Variants in CCDC141 observed in about 807,000 individuals in gnomAD.
CCDC141 encodes the protein coiled-coil domain-containing protein 141.
In CCDC141, 168 loss-of-function variants were observed where a neutral mutation model predicts 181.0. That is an observed-to-expected ratio of 0.93 (90% CI 0.82 to 1.05). The LOEUF (loss-of-function observed/expected upper bound fraction) is 1.05. CCDC141 is among the 50% of genes least tolerant of loss of function. The pLI is 0.00. For synonymous variants in CCDC141, 666 were observed against 642.3 expected, an observed-to-expected ratio of 1.04 and a Z score of -0.56; for missense variants, 1,902 against 1,788.5, an observed-to-expected ratio of 1.06 and a Z score of -1.14.
At chr2:178,947,557 C>G (rs1689783304) in intron 5 of CCDC141, among the ~76,000 whole-genome samples, 1 of 151,954 alleles carries the variant, frequency 6.6e-6, no homozygotes, top group Non-Finnish European at 1.5e-5. Context: ...TACTTGATGC[C>G]CAGAGGAGAT....
intron 2 of CCDC141, among the ~76,000 whole-genome samples, chr2:179,018,003 T>C (rs146092376): frequency 6.6e-6 from 1 of 152,292 alleles, no homozygotes; most frequent in African/African-American, 2.4e-5. Flanking sequence ...GCCAACATCA[T>C]AAAGCTGGTT....
intron 17 of CCDC141, 50 bp from the exon 18 acceptor site, chr2:178,856,447 A>G: frequency 7.3e-7 from 1 of 1,364,738 alleles, no homozygotes; most frequent in Non-Finnish European, 1.0e-6. Context: ...TGAGAAAACA[A>G]AGTCACTTGC....
chr2:178,897,414 A>T (rs1356232472), intron 8 of CCDC141, among the ~76,000 whole-genome samples: 1 of 152,248 alleles, frequency 6.6e-6, no homozygotes, highest in Non-Finnish European at 1.5e-5. Flanking sequence ...GCCAACACAA[A>T]TGAAAACTGT....
At chr2:178,987,738 T>A (rs1335954751) in intron 2 of CCDC141, among the ~76,000 whole-genome samples, 1 of 150,488 alleles carries the variant, frequency 6.6e-6, no homozygotes, top group African/African-American at 2.5e-5. Context: ...TCACTGGCCA[T>A]CAGAGAAATG....
intron 6 of CCDC141, among the ~76,000 whole-genome samples, chr2:178,927,423 G>A (rs550868817): frequency 5.3e-5 from 8 of 152,152 alleles, no homozygotes; most frequent in African/African-American, 1.7e-4. Context: ...TCTTAAATAC[G>A]TGCAGGGATT....
At chr2:178,953,513 A>G (rs1471614127) in intron 5 of CCDC141, among the ~76,000 whole-genome samples, 1 of 152,104 alleles carries the variant, frequency 6.6e-6, no homozygotes, top group African/African-American at 2.4e-5. Context: ...ATCCAGGAAT[A>G]CTACCCCTTG....
chr2:178,867,299 C>G lies in CCDC141; in HGVS notation c.2574+727G>C, dbSNP rs145256301. ...ATCTGCAATGCTAAAACAGCACTGG[C>G]CAACAAAATGTGAACCACACAAACA... On this transcript the variant is annotated intron_variant, in intron 16 of 23. Coordinates refer to ENST00000443758, the MANE Select transcript of CCDC141 (RefSeq NM_173648.4). Among the ~76,000 whole-genome samples, 13 of 152,196 alleles carry G rather than the reference C, an allele frequency of 8.5e-5. No homozygotes were observed. The East Asian group carries it at 2.3e-3, about 27-fold the overall frequency.
chr2:178,932,123 A>T (rs1368124243), intron 6 of CCDC141, among the ~76,000 whole-genome samples: 1 of 152,202 alleles, frequency 6.6e-6, no homozygotes, highest in Non-Finnish European at 1.5e-5. Flanking sequence ...GTGCCACTGC[A>T]CTCCAGCCTA....
the CCDC141 span, among the ~76,000 whole-genome samples, chr2:178,820,137 T>G: frequency 1.8e-4 from 28 of 152,334 alleles, 2 homozygotes; most frequent in African/African-American, 6.7e-4. Context: ...AAGATGTAGT[T>G]ACTTCTGTTT....
At chr2:178,945,853 G>GTGCACA (rs1689709304) in intron 5 of CCDC141, among the ~76,000 whole-genome samples, 4 of 149,472 alleles carry the variant, frequency 2.7e-5, no homozygotes, top group African/African-American at 9.8e-5. Flanking sequence ...ACACATGCGT[G>GTGCACA]CACACACACA....
intron 7 of CCDC141, among the ~76,000 whole-genome samples, chr2:178,908,049 T>G (rs1688054949): frequency 6.6e-6 from 1 of 151,968 alleles, no homozygotes; most frequent in African/African-American, 2.4e-5. Context: ...AAGAAGATGA[T>G]TTAATGACTT....
intron 6 of CCDC141, among the ~76,000 whole-genome samples, chr2:178,936,504 T>C (rs958751670): frequency 3.3e-5 from 5 of 152,150 alleles, no homozygotes; most frequent in Non-Finnish European, 7.4e-5. Context: ...TGTAGCCCTG[T>C]AGTATAGTTT....
At position 178,957,140 on chromosome 2, in the gene CCDC141, T is replaced by C. The variant is rs1575265725; in HGVS notation, c.780+4090A>G. Among the ~76,000 whole-genome samples the C allele has an allele frequency of 3.3e-5, 5 of 152,324 alleles. 1 individual carries two copies. The highest frequency in any genetic ancestry group is 3.3e-4 in the Admixed American group (5 of 15,302). On this transcript the variant is annotated intron_variant, in intron 5 of 23. Coordinates refer to ENST00000443758, the MANE Select transcript of CCDC141 (RefSeq NM_173648.4). ...CACCTGCCTCGGCCTCCCAAAGTGCTGGGATTACAGTCGTGAGCCACCGGG... is the reference window on the plus strand; with the variant it reads ...CACCTGCCTCGGCCTCCCAAAGTGCCGGGATTACAGTCGTGAGCCACCGGG...
intron 17 of CCDC141, among the ~76,000 whole-genome samples, chr2:178,865,221 A>G (rs1056451150): frequency 1.3e-5 from 2 of 152,220 alleles, no homozygotes; most frequent in African/African-American, 4.8e-5. Context: ...AAAGCCAGTC[A>G]GTTTGAATAA....
At chr2:178,826,898 C>T (rs1370047676), downstream of CCDC141, among the ~76,000 whole-genome samples, 1 of 151,888 alleles carries the variant, frequency 6.6e-6, no homozygotes, top group Non-Finnish European at 1.5e-5. Flanking sequence ...TTTTATTCTG[C>T]TTGCTATAGG....
chr2:178,864,182 G>A (rs1195660277), intron 17 of CCDC141, among the ~76,000 whole-genome samples: 1 of 151,942 alleles, frequency 6.6e-6, no homozygotes, highest in Admixed American at 6.6e-5. Flanking sequence ...GCAAGACAAA[G>A]GTTTACAAAT....
Position 178,837,549 on chromosome 2 carries a change from C to T in CCDC141, c.3670G>A (p.Glu1224Lys), listed in dbSNP as rs1436880675. 1.2e-6 allele frequency: 2 copies of T among 1,613,746 alleles called. No individual in the cohort carries two copies. The highest frequency in any genetic ancestry group is 2.7e-5 in the African/African-American group (2 of 74,902). The part of the protein sequence containing the change: ...ISLPPLPGSP[E>K]SPLAPSDMEV... ...ATGTCAGATGGTGCAAGAGGGGACT[C>T]AGGGCTTCCTGGGAGAGGAGGCAAG... The change falls in exon 23 of 24, where the codon GAG becomes AAG. Residue 1224 changes from glutamate to lysine, a missense_variant. Coordinates refer to ENST00000443758, the MANE Select transcript of CCDC141 (RefSeq NM_173648.4).
intron 20 of CCDC141, 88 bp from the exon 21 acceptor site, chr2:178,850,249 T>C (rs1301443203): frequency 3.0e-6 from 2 of 673,530 alleles, no homozygotes; most frequent in Admixed American, 3.0e-5. Context: ...CCCTGTCCAG[T>C]GTAAGGGCTG....
chr2:179,002,337 G>A lies in CCDC141; in HGVS notation c.226-23662C>T, dbSNP rs542079726. The A allele has an allele frequency of 3.8e-4, 108 of 280,564 alleles. 1 individual carries two copies. The South Asian group carries it at 3.9e-3, about 10-fold the overall frequency. 17.4% of individuals were successfully genotyped at this position (280,564 alleles called of 1,614,324 possible). Reference sequence around the variant, plus strand: ...AAGAACTGGAGAAAGAAAGTGTAAAGCTGTTCAGGATTGCATTGTGGATGT... The same window carrying A: ...AAGAACTGGAGAAAGAAAGTGTAAAACTGTTCAGGATTGCATTGTGGATGT... On this transcript the variant is annotated intron_variant, in intron 2 of 23. Coordinates refer to ENST00000443758, the MANE Select transcript of CCDC141 (RefSeq NM_173648.4).
Sources: gnomAD v4.1 joint callset for allele counts (sites outside exome capture counted in the v4.1 genomes callset) on GRCh38, gnomAD v4.1.1 for gene constraint, MANE v1.5 for transcripts, NCBI Gene and HGNC (gene_info 2026-07-23, HGNC 2026-07-21) for gene names.